The following KLHDC1 variants were observed in gnomAD, a reference collection of about 807,000 sequenced individuals.
KLHDC1 encodes kelch domain-containing protein 1.
A neutral mutation model predicts 68.3 loss-of-function variants in KLHDC1; 53 were observed. The ratio of observed to expected loss-of-function variants is 0.78; its 90% CI spans 0.62 to 0.98. The LOEUF is 0.98. Among genes scored for constraint, KLHDC1 ranks in the 50% least tolerant of loss-of-function variants. KLHDC1 has a pLI of 0.00. For synonymous variants in KLHDC1, 148 were observed against 159.0 expected (o/e 0.93, Z 0.52); for missense variants, 470 against 492.3 (o/e 0.95, Z 0.43).
intron 1 of KLHDC1, among the ~76,000 whole-genome samples, chr14:49,697,288 G>A (rs1435935296): frequency 2.0e-5 from 3 of 152,148 alleles, no homozygotes; most frequent in Non-Finnish European, 2.9e-5. Context: ...CCAAGGAGAG[G>A]GAGAGAGAGG....
At chr14:49,697,874 A>G (rs1198690774) in intron 1 of KLHDC1, among the ~76,000 whole-genome samples, 1 of 152,206 alleles carries the variant, frequency 6.6e-6, no homozygotes, top group East Asian at 1.9e-4. Context: ...AAAGGAGTCG[A>G]TTAGAGTAAG....
At position 49,709,784 on chromosome 14, in the gene KLHDC1, G is replaced by A; in HGVS notation, c.243G>A (p.Leu81=). The A allele has an allele frequency of 2.5e-6, 4 of 1,602,556 alleles. No individual in the cohort carries two copies. In the Middle Eastern group the frequency reaches 5.0e-4, roughly 200 times the overall value. ...GTGGTGCTTGCATTAATGGAAAGCT[G>A]TACATTTTTGGAGGATATGATGACA... The part of the protein sequence containing the change: ...GSCGACINGK[L]YIFGGYDDKG... The change falls in exon 3 of 13, where the codon CTG becomes CTA. Residue 81 remains leucine, a synonymous_variant. Transcript: ENST00000359332.
intron 12 of KLHDC1, among the ~76,000 whole-genome samples, chr14:49,747,226 C>T (rs374229916): frequency 1.7e-4 from 26 of 152,154 alleles, no homozygotes; most frequent in Non-Finnish European, 2.6e-4. Context: ...GGATTACAGG[C>T]GTGAGCCACC....
chr14:49,737,199 C>G (rs148656377), intron 10 of KLHDC1, among the ~76,000 whole-genome samples: 53 of 152,258 alleles, frequency 3.5e-4, no homozygotes, highest in African/African-American at 1.2e-3. Context: ...AGTTCCCATC[C>G]TTGACCCCAC....
At chr14:49,693,748 C>CTTTTTTCTTTTTTTTTTTTTTTTTTTTTT (rs1887645959) in intron 1 of KLHDC1, among the ~76,000 whole-genome samples, 1 of 61,540 alleles carries the variant, frequency 1.6e-5, no homozygotes, top group Non-Finnish European at 3.4e-5. Context: ...TTTTCTTTTT[C>CTTTTTTCTTTTTTTTTTTTTTTTTTTTTT]TTTTTTTTTT....
At chr14:49,706,801 AG>A in intron 1 of KLHDC1, among the ~76,000 whole-genome samples, 1 of 152,254 alleles carries the variant, frequency 6.6e-6, no homozygotes, top group East Asian at 1.9e-4. Context: ...TGTGTATACA[AG>A]TATTTTGCCC....
rs1331785966 is a variant in KLHDC1, at chr14:49,725,555, T to C, written c.484-131T>C. 8 of 594,966 alleles carry C rather than the reference T, an allele frequency of 1.3e-5. No homozygotes were observed. The African/African-American group carries it at 1.3e-4, about 10-fold the overall frequency. The allele number at this position is 594,966 out of a possible 1,614,324, so 36.9% of individuals were successfully genotyped here. A position where few individuals can be genotyped will look rare whatever the true frequency, so the allele number is the denominator to read the frequency against. On this transcript the variant is annotated intron_variant, in intron 5 of 12. Transcript: ENST00000359332. ...GAGGTACCCGTGTATCCGTTGGCTT[T>C]GTGACTATGGTAACACTTAACTCTA...
intron 5 of KLHDC1, among the ~76,000 whole-genome samples, chr14:49,724,827 A>ATTTTTTTTTTTTT (rs55789065): frequency 7.3e-6 from 1 of 137,746 alleles, no homozygotes; most frequent in Admixed American, 7.3e-5. Context: ...CACAAATGGT[A>ATTTTTTTTTTTTT]TTTTTTTTTT....
chr14:49,746,950 CTT>C (rs527399327), intron 12 of KLHDC1, among the ~76,000 whole-genome samples: 76 of 139,046 alleles, frequency 5.5e-4, no homozygotes, highest in African/African-American at 1.3e-3. Flanking sequence ...AGCTTTCTCT[CTT>C]TTTTTTTTTT....
intron 5 of KLHDC1, among the ~76,000 whole-genome samples, chr14:49,725,410 A>G (rs1031181646): frequency 6.6e-6 from 1 of 152,428 alleles, no homozygotes; most frequent in Non-Finnish European, 1.5e-5. Context: ...TTTAAAAAAG[A>G]TAATCCTTAG....
intron 12 of KLHDC1, among the ~76,000 whole-genome samples, chr14:49,744,238 C>A (rs1889137132): frequency 6.6e-6 from 1 of 151,966 alleles, no homozygotes; most frequent in South Asian, 2.1e-4. Flanking sequence ...CTGCGTTGAG[C>A]TATGATCATG....
At chr14:49,717,771 G>A (rs979460349) in intron 4 of KLHDC1, among the ~76,000 whole-genome samples, 18 of 152,026 alleles carry the variant, frequency 1.2e-4, no homozygotes, top group African/African-American at 3.4e-4. Flanking sequence ...GGTAGAATTC[G>A]CCAGTGAAGC....
chr14:49,706,296 T>C lies in KLHDC1; in HGVS notation c.97-2863T>C, dbSNP rs185102450. Among the ~76,000 whole-genome samples the C allele has an allele frequency of 9.2e-5, 14 of 152,340 alleles. No homozygotes were observed. The East Asian group carries it at 2.1e-3, about 23-fold the overall frequency. ...ATGACCTCTAGTTCCATCCATGTTATTGTAAATAACAGGATCTCATTCTTT... is the reference window on the plus strand; with the variant it reads ...ATGACCTCTAGTTCCATCCATGTTACTGTAAATAACAGGATCTCATTCTTT... On this transcript the variant is annotated intron_variant, in intron 1 of 12. Transcript: ENST00000359332.
At chr14:49,707,272 A>ATGTGTGTGTG (rs749232051) in intron 1 of KLHDC1, among the ~76,000 whole-genome samples, 45 of 138,384 alleles carry the variant, frequency 3.3e-4, no homozygotes, top group African/African-American at 1.2e-3. Flanking sequence ...TTCTATTTTT[A>ATGTGTGTGTG]TGTGTGTGTG....
Position 49,752,972 on chromosome 14 carries a change from TGTA to T in KLHDC1, c.*1204_*1206del, listed in dbSNP as rs1174159089. The stretch of plus-strand genomic sequence containing the variant: ...ATTTATAATGAAAATTATAGTAGTT[TGTA>T]GTATTTCATTGAATTTTAGAGAGAT... On this transcript the variant is annotated 3_prime_UTR_variant, in exon 13 of 13. Coordinates refer to ENST00000359332, the MANE Select transcript of KLHDC1 (RefSeq NM_172193.3). The T allele has an allele frequency of 3.3e-5, 5 of 152,124 alleles. No individual in the cohort carries two copies. The highest frequency in any genetic ancestry group is 1.2e-4 in the African/African-American group (5 of 41,560). 9.4% of individuals were successfully genotyped at this position (152,124 alleles called of 1,614,324 possible).
At chr14:49,709,904 T>C (rs1888155093) in intron 3 of KLHDC1, 78 bp downstream of exon 3, 1 of 736,390 alleles carries the variant, frequency 1.4e-6, no homozygotes, top group Admixed American at 2.8e-5. Flanking sequence ...TTACAAATAT[T>C]TTAAAAAGAA....
At chr14:49,713,421 T>C (rs1888261293) in intron 4 of KLHDC1, among the ~76,000 whole-genome samples, 1 of 152,160 alleles carries the variant, frequency 6.6e-6, no homozygotes, top group African/African-American at 2.4e-5. Context: ...AATACTTCTA[T>C]AAAAAGAAAC....
Position 49,709,248 on chromosome 14 carries a change from C to T in KLHDC1, c.167+19C>T, listed in dbSNP as rs746595853. ...GGTTGTGGTAAGTAATTTTAAATTG[C>T]ATACTGTCTGATCTTAATATCTATT... On this transcript the variant is annotated intron_variant, in intron 2 of 12. Coordinates refer to ENST00000359332, the MANE Select transcript of KLHDC1 (RefSeq NM_172193.3). 1 of 1,056,928 alleles carries T rather than the reference C, an allele frequency of 9.5e-7. No homozygotes were observed. Among genetic ancestry groups the T allele is most frequent in the Admixed American group, 2.1e-5 (1 of 46,646 alleles). The allele number at this position is 1,056,928 out of a possible 1,614,324, so 65.5% of individuals were successfully genotyped here.
chr14:49,703,713 T>C (rs1006923742), intron 1 of KLHDC1, among the ~76,000 whole-genome samples: 7 of 152,158 alleles, frequency 4.6e-5, no homozygotes, highest in African/African-American at 1.7e-4. Context: ...GCTGTACCTG[T>C]TGTTGTTTGG....
Sources: allele counts gnomAD v4.1 joint callset (sites outside exome capture counted in the v4.1 genomes callset), GRCh38; gene constraint gnomAD v4.1.1; transcripts MANE v1.5; gene names NCBI Gene and HGNC (gene_info 2026-07-23, HGNC 2026-07-21).